The following ERO1B variants were observed in gnomAD, a reference collection of about 807,000 sequenced individuals.
The protein encoded by ERO1B is endoplasmic reticulum oxidoreductase 1 beta, also known as ERO1-like protein beta.
Under a neutral mutation model 75.3 loss-of-function variants are expected in ERO1B, and 49 were observed. The ratio of observed to expected loss-of-function variants is 0.65; its 90% confidence interval spans 0.52 to 0.83. The LOEUF is 0.83. Ranked by LOEUF, ERO1B falls within the 40% of genes least tolerant of loss-of-function variation. The pLI is 0.00. For missense variants in ERO1B, 512 were observed against 560.1 expected, an observed-to-expected ratio of 0.91 and a Z score of 0.87; for synonymous variants, 191 against 192.9, an observed-to-expected ratio of 0.99 and a Z score of 0.08.
intron 1 of ERO1B, among the ~76,000 whole-genome samples, chr1:236,273,910 T>C (rs1665655785): frequency 6.6e-6 from 1 of 151,568 alleles, no homozygotes; most frequent in African/African-American, 2.4e-5. Context: ...GGCAAAATGA[T>C]TTCCAAAACA....
At chr1:236,234,066 A>T (rs1431828563) in intron 8 of ERO1B, among the ~76,000 whole-genome samples, 1 of 152,246 alleles carries the variant, frequency 6.6e-6, no homozygotes, top group Non-Finnish European at 1.5e-5. Flanking sequence ...AGAGTTAAGA[A>T]GATTAAAGAA....
rs150056958 is a variant in ERO1B, at chr1:236,255,133, A to ACTAT, written c.223-1632_223-1629dup. On this transcript the variant is annotated intron_variant, in intron 2 of 15. Transcript: ENST00000354619. Reference sequence around the variant, plus strand: ...TTTTTTTAAGTAGAGACAAGGTCTCACTATGTTTCCCAGGTTGGGCTGGAA... The same window carrying ACTAT: ...TTTTTTTAAGTAGAGACAAGGTCTCACTATCTATGTTTCCCAGGTTGGGCTGGAA... Among the ~76,000 whole-genome samples the ACTAT allele has an allele frequency of 8.7e-3, 1,299 of 149,968 alleles. 9 individuals carry two copies. The highest frequency in any genetic ancestry group is 0.014 in the Non-Finnish European group (972 of 67,578).
intron 4 of ERO1B, among the ~76,000 whole-genome samples, chr1:236,250,618 T>TAG (rs1491338079): frequency 0.095 from 10,404 of 109,220 alleles, 1,561 homozygotes; most frequent in Non-Finnish European, 0.14. Context: ...TATATATATA[T>TAG]CAAACGTGTG....
At chr1:236,249,153 G>T (rs906480960) in intron 5 of ERO1B, among the ~76,000 whole-genome samples, 2 of 151,802 alleles carry the variant, frequency 1.3e-5, no homozygotes, top group African/African-American at 4.8e-5. Flanking sequence ...AGCCTCTCAG[G>T]TAGCTGGGAT....
At chr1:236,264,691 A>C (rs1665378680) in intron 2 of ERO1B, among the ~76,000 whole-genome samples, 1 of 151,974 alleles carries the variant, frequency 6.6e-6, no homozygotes, top group South Asian at 2.1e-4. Context: ...TATAAATATA[A>C]AAATTAGCCA....
chr1:236,272,035 TAA>T (rs1440076830), intron 1 of ERO1B, among the ~76,000 whole-genome samples: 4 of 152,046 alleles, frequency 2.6e-5, no homozygotes, highest in Admixed American at 6.6e-5. Context: ...AGTATCATAT[TAA>T]AAAGTAAAAC....
chr1:236,216,461 A>T lies in ERO1B; in HGVS notation c.*2055T>A, dbSNP rs182317052. ...CTACAATCTAATTTATGATAAAATA[A>T]GATGAATTTCAGCCTAAGAATACTT... On this transcript the variant is annotated 3_prime_UTR_variant, in exon 16 of 16. Coordinates refer to ENST00000354619, the MANE Select transcript of ERO1B (RefSeq NM_019891.4). 1.3e-5 allele frequency: 2 copies of T among 152,294 alleles called. No homozygotes were observed. The highest frequency in any genetic ancestry group is 1.3e-4 in the Admixed American group (2 of 15,288). 9.4% of individuals were successfully genotyped at this position (152,294 alleles called of 1,614,324 possible). A position where few individuals can be genotyped will look rare whatever the true frequency, so the allele number is the denominator to read the frequency against.
rs1177662383 is a variant in ERO1B, at chr1:236,233,682, ATAAT to A, written c.674-847_674-844del. On this transcript the variant is annotated intron_variant, in intron 8 of 15. Transcript: ENST00000354619. ...AAAGTCATAAAGACCACTATTTTCA[ATAAT>A]TAATTAATTACTACATAAAGTTGCT... 5.3e-5 allele frequency among the ~76,000 whole-genome samples: 8 copies of A among 152,324 alleles called. No homozygotes were observed. In the East Asian group the frequency reaches 9.7e-4, roughly 18 times the overall value.
chr1:236,254,730 A>G (rs1452206035), intron 2 of ERO1B, among the ~76,000 whole-genome samples: 1 of 151,268 alleles, frequency 6.6e-6, no homozygotes, highest in Non-Finnish European at 1.5e-5. Context: ...CTCCTGCCTC[A>G]GCCCCCCAAG....
rs1264538816 is a variant in ERO1B, at chr1:236,216,788, G to A, written c.*1728C>T. On this transcript the variant is annotated 3_prime_UTR_variant, in exon 16 of 16. Coordinates refer to ENST00000354619, the MANE Select transcript of ERO1B (RefSeq NM_019891.4). Reference sequence around the variant, plus strand: ...ATCTTAAACTCTGAGTGAATACTAAGAATAATTCTTACTAATTTACTAGTT... The same window carrying A: ...ATCTTAAACTCTGAGTGAATACTAAAAATAATTCTTACTAATTTACTAGTT... 6.6e-6 allele frequency: 1 copy of A among 151,960 alleles called. No individual in the cohort carries two copies. The highest frequency in any genetic ancestry group is 1.9e-4 in the East Asian group (1 of 5,200). The allele number at this position is 151,960 out of a possible 1,614,324, so 9.4% of individuals were successfully genotyped here. A position where few individuals can be genotyped will look rare whatever the true frequency, so the allele number is the denominator to read the frequency against.
Position 236,225,113 on chromosome 1 carries a change from T to A in ERO1B, c.1079A>T (p.Lys360Ile), listed in dbSNP as rs1664248104. ...TTTTTTGTCACCTGCAAACATGGAT[T>A]TCTCATCAAAGTGCATGGGAAAGGA... ...TKSFPMHFDEKSMFAGDKKGA... is the reference protein window; with the variant it reads ...TKSFPMHFDEISMFAGDKKGA... The change falls in exon 13 of 16, where the codon AAA (lysine) becomes ATA (isoleucine). Residue 360 changes from lysine (K) to isoleucine (I), a missense_variant. Transcript: ENST00000354619. 1.2e-6 allele frequency: 2 copies of A among 1,613,938 alleles called. No individual in the cohort carries two copies. The highest frequency in any genetic ancestry group is 1.3e-5 in the African/African-American group (1 of 75,040).
chr1:236,248,224 A>G (rs372335566), intron 5 of ERO1B, among the ~76,000 whole-genome samples: 135 of 152,252 alleles, frequency 8.9e-4, no homozygotes, highest in African/African-American at 3.1e-3. Context: ...GCTCAAATCC[A>G]CTAGTAATTA....
intron 5 of ERO1B, among the ~76,000 whole-genome samples, chr1:236,246,861 A>T (rs1471831050): frequency 6.6e-6 from 1 of 152,198 alleles, no homozygotes; most frequent in Admixed American, 6.5e-5. Context: ...TTTCTATTCC[A>T]CCATATGTGT....
chr1:236,263,778 C>CTTTTTTTTTTTTT lies in ERO1B; in HGVS notation c.222+6084_222+6096dup. Among the ~76,000 whole-genome samples the CTTTTTTTTTTTTT allele has an allele frequency of 2.4e-4, 19 of 80,300 alleles. 5 individuals are homozygous for CTTTTTTTTTTTTT. The highest frequency in any genetic ancestry group is 3.1e-4 in the African/African-American group (6 of 19,132). 52.7% of individuals were successfully genotyped at this position (80,300 alleles called of 152,430 possible). A position where few individuals can be genotyped will look rare whatever the true frequency, so the allele number is the denominator to read the frequency against. On this transcript the variant is annotated intron_variant, in intron 2 of 15. Coordinates refer to ENST00000354619, the MANE Select transcript of ERO1B (RefSeq NM_019891.4). ...TATATTTTTTGTTTTATTTTGTTTG[C>CTTTTTTTTTTTTT]TTTTTTTTTTTTTTTTTTTTTTTTT...
intron 2 of ERO1B, among the ~76,000 whole-genome samples, chr1:236,266,306 A>C (rs951803759): frequency 1.3e-5 from 2 of 152,226 alleles, no homozygotes; most frequent in African/African-American, 4.8e-5. Flanking sequence ...CATGTGTTTA[A>C]AATTAACTTC....
intron 4 of ERO1B, among the ~76,000 whole-genome samples, chr1:236,250,953 C>T (rs1284505377): frequency 6.6e-6 from 1 of 151,868 alleles, no homozygotes; most frequent in Non-Finnish European, 1.5e-5. Flanking sequence ...CATGTGTGCA[C>T]AATGAGACAA....
At chr1:236,222,133 G>T in intron 13 of ERO1B, 123 bp from the exon 14 acceptor site, 1 of 801,654 alleles carries the variant, frequency 1.2e-6, no homozygotes, top group Non-Finnish European at 2.0e-6. Context: ...TGTTTGAGAA[G>T]GAGTTTTGCT....
intron 2 of ERO1B, among the ~76,000 whole-genome samples, chr1:236,263,602 G>A (rs143111307): frequency 6.6e-5 from 10 of 152,044 alleles, no homozygotes; most frequent in Admixed American, 1.3e-4. Flanking sequence ...AACTAGGGGC[G>A]AATTAAAATT....
chr1:236,242,233 A>C (rs1228471493), intron 6 of ERO1B, among the ~76,000 whole-genome samples: 1 of 152,224 alleles, frequency 6.6e-6, no homozygotes, highest in Non-Finnish European at 1.5e-5. Context: ...AAACCTATTA[A>C]ATAAGCACTA....
Sources: allele counts gnomAD v4.1 joint callset (sites outside exome capture counted in the v4.1 genomes callset), GRCh38; gene constraint gnomAD v4.1.1; transcripts MANE v1.5; gene names NCBI Gene and HGNC (gene_info 2026-07-23, HGNC 2026-07-21).